VEZT: variants seen among roughly 807,000 people sequenced by gnomAD.
The protein encoded by VEZT is vezatin, adherens junctions transmembrane protein.
A neutral mutation model predicts 79.9 loss-of-function variants in VEZT; 39 were observed. The ratio of observed to expected loss-of-function variants is 0.49; its 90% CI spans 0.38 to 0.64. VEZT has a LOEUF of 0.64. Among genes scored for constraint, VEZT ranks in the 30% least tolerant of loss-of-function variants. The pLI is 0.00. For synonymous variants in VEZT, 325 were observed against 327.6 expected, an observed-to-expected ratio of 0.99 and a Z score of 0.09; for missense variants, 837 against 893.1, an observed-to-expected ratio of 0.94 and a Z score of 0.80.
At position 95,246,800 on chromosome 12, in the gene VEZT, A is replaced by C. The variant is rs77758367; in HGVS notation, c.37-5140A>C. On this transcript the variant is annotated intron_variant, in intron 1 of 11. Coordinates refer to ENST00000436874, the MANE Select transcript of VEZT (RefSeq NM_017599.4). Reference sequence around the variant, plus strand: ...CCAATACTTCGAAATTATAGTTTGAATCCAGTGTTAATGATTTCTCTTCAA... The same window carrying C: ...CCAATACTTCGAAATTATAGTTTGACTCCAGTGTTAATGATTTCTCTTCAA... Among the ~76,000 whole-genome samples the C allele has an allele frequency of 5.4e-4, 82 of 152,288 alleles. 1 individual carries two copies. In the East Asian group the frequency reaches 0.011, roughly 20 times the overall value.
rs918667934 is a variant in VEZT, at chr12:95,274,808, G to A, written c.915G>A (p.Leu305=). ...NYICVVPFKE[L]GLGLSEEQIS... is the part of the protein sequence containing the mutation. Reference sequence around the variant, plus strand: ...TCTGTGTGGTGCCTTTTAAAGAGCTGGGCCTTGGACTTAGTGAAGAGCAGA... The same window carrying A: ...TCTGTGTGGTGCCTTTTAAAGAGCTAGGCCTTGGACTTAGTGAAGAGCAGA... Residue 305 remains leucine, a synonymous_variant, in exon 7 of 12, where the codon CTG becomes CTA. Transcript: ENST00000436874. 5 of 1,613,772 alleles carry A rather than the reference G, an allele frequency of 3.1e-6. No homozygotes were observed. The highest frequency in any genetic ancestry group is 2.7e-5 in the African/African-American group (2 of 74,922).
chr12:95,290,514 T>C (rs2072468898), intron 9 of VEZT, among the ~76,000 whole-genome samples: 1 of 152,222 alleles, frequency 6.6e-6, no homozygotes, highest in Non-Finnish European at 1.5e-5. Context: ...CAATACATTA[T>C]GCCAAGTGAA....
intron 6 of VEZT, among the ~76,000 whole-genome samples, chr12:95,273,520 T>A (rs1192160242): frequency 6.6e-6 from 1 of 152,234 alleles, no homozygotes; most frequent in Non-Finnish European, 1.5e-5. Context: ...GTTTTTGCTG[T>A]ATCCCTTAAT....
chr12:95,259,999 T>C (rs1178449913), intron 3 of VEZT, among the ~76,000 whole-genome samples: 4 of 152,112 alleles, frequency 2.6e-5, no homozygotes, highest in Non-Finnish European at 5.9e-5. Context: ...CGTGAGGCAA[T>C]CTAATCACTA....
chr12:95,300,694 T>G lies in VEZT; in HGVS notation c.*21T>G. The G allele has an allele frequency of 1.3e-6, 2 of 1,542,286 alleles. No individual in the cohort carries two copies. The highest frequency in any genetic ancestry group is 1.7e-6 in the Non-Finnish European group (2 of 1,147,782). The stretch of plus-strand genomic sequence containing the variant: ...AGTAAGAACCAAGATTCATATGAAG[T>G]GATATTAGATTGTTCCTTTTACAAA... On this transcript the variant is annotated 3_prime_UTR_variant, in exon 12 of 12. Transcript: ENST00000436874.
chr12:95,250,891 A>G (rs1164849127), intron 1 of VEZT, among the ~76,000 whole-genome samples: 1 of 152,192 alleles, frequency 6.6e-6, no homozygotes, highest in Non-Finnish European at 1.5e-5. Flanking sequence ...TAAGAACTCT[A>G]TGAACTAAGT....
At chr12:95,280,455 C>G (rs533246675) in intron 7 of VEZT, among the ~76,000 whole-genome samples, 8 of 143,850 alleles carry the variant, frequency 5.6e-5, no homozygotes, top group African/African-American at 1.3e-4. Flanking sequence ...CTCTCTCCCC[C>G]CCTTTCATAT....
Position 95,254,339 on chromosome 12 carries a change from CTTTTTTTTTTTTTT to C in VEZT, c.168+2280_168+2293del, listed in dbSNP as rs34968028. Among the ~76,000 whole-genome samples, 122 of 69,444 alleles carry C rather than the reference CTTTTTTTTTTTTTT, an allele frequency of 1.8e-3. 4 individuals carry two copies. The highest frequency in any genetic ancestry group is 7.1e-3 in the African/African-American group (120 of 16,846). 45.6% of individuals were successfully genotyped at this position (69,444 alleles called of 152,430 possible). On this transcript the variant is annotated intron_variant, in intron 2 of 11. Coordinates refer to ENST00000436874, the MANE Select transcript of VEZT (RefSeq NM_017599.4). ...ATCTATATTTTTCTAAAACGAAGTTCTTTTTTTTTTTTTTTTTTTTTTTTTGAGACGGAGTCTCA... is the reference window on the plus strand; with the variant it reads ...ATCTATATTTTTCTAAAACGAAGTTCTTTTTTTTTTTGAGACGGAGTCTCA...
intron 10 of VEZT, among the ~76,000 whole-genome samples, chr12:95,294,673 T>C (rs531700499): frequency 6.6e-6 from 1 of 152,366 alleles, no homozygotes; most frequent in South Asian, 2.1e-4. Flanking sequence ...TGTGTACATA[T>C]GTAAAAATCC....
At chr12:95,240,014 GAGAAAGAA>G in intron 1 of VEZT, among the ~76,000 whole-genome samples, 1 of 117,280 alleles carries the variant, frequency 8.5e-6, no homozygotes, top group South Asian at 3.3e-4. Context: ...GAGAGAAAGA[GAGAAAGAA>G]AGGAAGGAAG....
intron 4 of VEZT, among the ~76,000 whole-genome samples, chr12:95,264,040 G>A (rs144952122): frequency 7.0e-4 from 106 of 152,130 alleles, no homozygotes; most frequent in African/African-American, 2.5e-3. Context: ...ATAGAAGGGA[G>A]GAATGAATCA....
chr12:95,230,195 G>A (rs943807552), intron 1 of VEZT, among the ~76,000 whole-genome samples: 2 of 149,398 alleles, frequency 1.3e-5, no homozygotes, highest in Admixed American at 6.7e-5. Context: ...ACTTCCTGTT[G>A]TTATTATTCC....
chr12:95,244,539 A>G (rs962055982), intron 1 of VEZT, among the ~76,000 whole-genome samples: 1 of 151,596 alleles, frequency 6.6e-6, no homozygotes, highest in Non-Finnish European at 1.5e-5. Flanking sequence ...ACAAGTCCCT[A>G]CGTTGCATTT....
chr12:95,239,322 G>A (rs2060584631), intron 1 of VEZT, among the ~76,000 whole-genome samples: 1 of 152,188 alleles, frequency 6.6e-6, no homozygotes, highest in African/African-American at 2.4e-5. Flanking sequence ...GAAGTTAATG[G>A]CAGAGAACTG....
In VEZT at chr12:95,282,509, T is replaced by G. The variant is rs1368615380; in HGVS notation, c.1193T>G (p.Phe398Cys). Residue 398 changes from phenylalanine (F) to cysteine (C), a missense_variant, in exon 8 of 12, where the codon TTC becomes TGC. By Grantham distance (205) the Phe-to-Cys change is radical (BLOSUM62 -2). Transcript: ENST00000436874. ...GAAGAGCTTAAGCGCAGCTATGAGT[T>G]CTATCGGTACTTTGAAACTCAGCAC... ...CLEELKRSYEFYRYFETQHQS... is the reference protein window; with the variant it reads ...CLEELKRSYECYRYFETQHQS... The G allele has an allele frequency of 6.2e-7, 1 of 1,614,016 alleles. No individual in the cohort carries two copies. Among genetic ancestry groups the G allele is most frequent in the South Asian group, 1.1e-5 (1 of 91,082 alleles).
intron 1 of VEZT, among the ~76,000 whole-genome samples, chr12:95,233,206 T>C (rs75831038): frequency 2.0e-5 from 3 of 151,940 alleles, no homozygotes; most frequent in Non-Finnish European, 4.4e-5. Context: ...CTTTTTTTTT[T>C]CTTAGCAGAC....
intron 1 of VEZT, among the ~76,000 whole-genome samples, chr12:95,250,118 G>A (rs1412787616): frequency 6.8e-6 from 1 of 147,514 alleles, no homozygotes; most frequent in Non-Finnish European, 1.5e-5. Context: ...ACAATGTGCA[G>A]GTTAGTTACA....
chr12:95,287,194 A>G (rs894668981), intron 8 of VEZT, among the ~76,000 whole-genome samples: 2 of 152,212 alleles, frequency 1.3e-5, no homozygotes, highest in Non-Finnish European at 2.9e-5. Flanking sequence ...CAAAGAATAC[A>G]TAACAAAAAT....
chr12:95,288,588 A>G (rs1007833920), intron 9 of VEZT, among the ~76,000 whole-genome samples: 18 of 152,340 alleles, frequency 1.2e-4, no homozygotes, highest in African/African-American at 4.1e-4. Flanking sequence ...AAGATAATTA[A>G]TGCTTTACCA....
Sources: allele counts gnomAD v4.1 joint callset (sites outside exome capture counted in the v4.1 genomes callset), GRCh38; gene constraint gnomAD v4.1.1; transcripts MANE v1.5; gene names NCBI Gene and HGNC (gene_info 2026-07-23, HGNC 2026-07-21).